The following RSPO2 variants were observed in gnomAD, a reference collection of about 807,000 sequenced individuals.
The protein encoded by RSPO2 is R-spondin 2, also known as R-spondin-2.
A neutral mutation model predicts 30.9 loss-of-function variants in RSPO2; 14 were observed. The observed-to-expected ratio is 0.45, with a 90% CI of 0.30 to 0.71. The LOEUF (loss-of-function observed/expected upper bound fraction) is 0.71, where lower values mean the gene tolerates loss of function less well. Among genes scored for constraint, RSPO2 ranks in the 30% least tolerant of loss-of-function variants. RSPO2 has a pLI of 0.08. For synonymous variants in RSPO2, 107 were observed against 96.4 expected (o/e 1.11, Z -0.64); for missense variants, 264 against 301.9 (o/e 0.87, Z 0.93).
chr8:107,914,889 C>T (rs550748329), intron 5 of RSPO2, among the ~76,000 whole-genome samples: 11 of 152,134 alleles, frequency 7.2e-5, no homozygotes, highest in African/African-American at 2.4e-4. Flanking sequence ...AATACAATGC[C>T]CAGGGCTCAT....
chr8:107,905,775 A>ATT (rs10646586), intron 5 of RSPO2, among the ~76,000 whole-genome samples: 6,843 of 149,324 alleles, frequency 0.046, 216 homozygotes, highest in East Asian at 0.1. Context: ...GTACTGTACC[A>ATT]TTTTTTTTTT....
chr8:107,937,962 G>A (rs72680448), intron 5 of RSPO2, among the ~76,000 whole-genome samples: 22,141 of 151,932 alleles, frequency 0.15, 2,103 homozygotes, highest in Non-Finnish European at 0.21. Context: ...AATATTTCTT[G>A]TTAGTCTACT....
chr8:108,019,399 T>TAC (rs1345226274), intron 2 of RSPO2, among the ~76,000 whole-genome samples: 18 of 151,012 alleles, frequency 1.2e-4, no homozygotes, highest in South Asian at 2.1e-4. Flanking sequence ...AATTCACACA[T>TAC]ACACACACAC....
intron 2 of RSPO2, among the ~76,000 whole-genome samples, chr8:108,007,358 T>C (rs1815485407): frequency 6.6e-6 from 1 of 150,960 alleles, no homozygotes; most frequent in Non-Finnish European, 1.5e-5. Flanking sequence ...CAAATACCAT[T>C]TGGTGAAAGT....
intron 2 of RSPO2, among the ~76,000 whole-genome samples, chr8:108,051,968 T>C (rs1812092434): frequency 6.6e-6 from 1 of 152,152 alleles, no homozygotes; most frequent in South Asian, 2.1e-4. Context: ...AACTGAGCAA[T>C]GCACGTGTTA....
intron 2 of RSPO2, among the ~76,000 whole-genome samples, chr8:108,061,099 A>T (rs1812445525): frequency 2.0e-5 from 3 of 151,880 alleles, no homozygotes. Context: ...TGTAAAGACC[A>T]TTGAGGCTAG....
chr8:108,059,736 G>A (rs1271923906), intron 2 of RSPO2, among the ~76,000 whole-genome samples: 1 of 149,730 alleles, frequency 6.7e-6, no homozygotes, highest in Non-Finnish European at 1.5e-5. Flanking sequence ...ATCATTCTCA[G>A]TAAACTATCA....
At chr8:108,007,938 G>C (rs1815506631) in intron 2 of RSPO2, among the ~76,000 whole-genome samples, 1 of 151,924 alleles carries the variant, frequency 6.6e-6, no homozygotes, top group Non-Finnish European at 1.5e-5. Flanking sequence ...GCAACATTTT[G>C]AGACCCCGTA....
chr8:107,968,119 T>C (rs1813873245), intron 3 of RSPO2, among the ~76,000 whole-genome samples: 1 of 152,154 alleles, frequency 6.6e-6, no homozygotes, highest in African/African-American at 2.4e-5. Flanking sequence ...GGGAAATCAA[T>C]ATATCAAAGA....
intron 5 of RSPO2, among the ~76,000 whole-genome samples, chr8:107,952,296 C>A (rs199913536): frequency 2.2e-4 from 8 of 36,164 alleles, no homozygotes; most frequent in African/African-American, 3.7e-4. Context: ...CATGCACACA[C>A]ACACACACAC....
chr8:108,061,997 GAC>G (rs1173726571), intron 2 of RSPO2, among the ~76,000 whole-genome samples: 1 of 151,838 alleles, frequency 6.6e-6, no homozygotes, highest in Non-Finnish European at 1.5e-5. Context: ...TGAGAACAAA[GAC>G]ACAACATACC....
chr8:107,985,095 AAT>A (rs1177333744), intron 3 of RSPO2, among the ~76,000 whole-genome samples: 2 of 152,164 alleles, frequency 1.3e-5, no homozygotes, highest in Non-Finnish European at 2.9e-5. Context: ...TCAAGTGACA[AAT>A]ATGTGTTCAG....
intron 5 of RSPO2, among the ~76,000 whole-genome samples, chr8:107,922,935 ATAAAT>A (rs1308579262): frequency 1.3e-5 from 2 of 152,162 alleles, no homozygotes; most frequent in African/African-American, 4.8e-5. Flanking sequence ...TCAACTCAAG[ATAAAT>A]TAAAGTCTTA....
intron 2 of RSPO2, among the ~76,000 whole-genome samples, chr8:108,058,812 C>G (rs572834725): frequency 2.0e-5 from 3 of 151,576 alleles, no homozygotes; most frequent in Non-Finnish European, 4.4e-5. Context: ...AAGCTGAAAC[C>G]GGATCCCTTC....
At position 108,061,450 on chromosome 8, in the gene RSPO2, C is replaced by A. The variant is rs200534817; in HGVS notation, c.94+21095G>T. Among the ~76,000 whole-genome samples, 150 of 151,706 alleles carry A rather than the reference C, an allele frequency of 9.9e-4. 1 individual carries two copies. The highest frequency in any genetic ancestry group is 1.6e-3 in the Non-Finnish European group (108 of 67,944). On this transcript the variant is annotated intron_variant, in intron 2 of 5. Transcript: ENST00000276659. ...AAAGAGACAAAGAAGGCCATTACAT[C>A]ATGGTAAAGGGATCAATTCAACAAG...
intron 2 of RSPO2, among the ~76,000 whole-genome samples, chr8:108,031,785 G>A (rs1435583146): frequency 1.3e-5 from 2 of 152,046 alleles, no homozygotes; most frequent in East Asian, 3.9e-4. Flanking sequence ...AATCTGCAGA[G>A]GTTATTTGCA....
intron 5 of RSPO2, among the ~76,000 whole-genome samples, chr8:107,921,413 C>T (rs1228680980): frequency 6.6e-6 from 1 of 152,034 alleles, no homozygotes; most frequent in Non-Finnish European, 1.5e-5. Flanking sequence ...ATTTGTGTCA[C>T]ATCACTTATA....
chr8:107,989,923 G>C (rs1814790301), intron 2 of RSPO2, among the ~76,000 whole-genome samples: 1 of 152,094 alleles, frequency 6.6e-6, no homozygotes, highest in Admixed American at 6.6e-5. Context: ...TTAACATCAA[G>C]ATGAACAAAT....
intron 1 of RSPO2, 74 bp from the exon 2 acceptor site, chr8:108,082,881 C>G: frequency 2.0e-6 from 1 of 489,424 alleles, no homozygotes. Flanking sequence ...CGCCTTCGCA[C>G]GTCCCAATTT....
Sources: allele counts gnomAD v4.1 joint callset (sites outside exome capture counted in the v4.1 genomes callset), GRCh38; gene constraint gnomAD v4.1.1; transcripts MANE v1.5; gene names NCBI Gene and HGNC (gene_info 2026-07-23, HGNC 2026-07-21).